SETD1A: variants seen among roughly 807,000 people sequenced by gnomAD.
The protein encoded by SETD1A is histone-lysine N-methyltransferase SETD1A.
SETD1A carries 29 observed loss-of-function variants against 149.9 expected under a neutral mutation model. The observed-to-expected ratio is 0.19, with a 90% confidence interval of 0.14 to 0.26. SETD1A has a LOEUF of 0.26. Among genes scored for constraint, SETD1A ranks in the 10% least tolerant of loss-of-function variants. The pLI is 1.00. For missense variants in SETD1A, 2,109 were observed against 2,353.1 expected (o/e 0.90, Z 2.15); for synonymous variants, 1,141 against 968.5 (o/e 1.18, Z -3.31).
chr16:30,968,912 C>T (rs572833416), intron 10 of SETD1A, among the ~76,000 whole-genome samples: 1 of 152,232 alleles, frequency 6.6e-6, no homozygotes, highest in East Asian at 1.9e-4. Context: ...CAATACCAGC[C>T]TGAGCAACAT....
At chr16:30,960,667 G>A (rs559692462) in intron 3 of SETD1A, among the ~76,000 whole-genome samples, 5 of 151,440 alleles carry the variant, frequency 3.3e-5, no homozygotes, top group East Asian at 3.9e-4. Context: ...GGAAATCATC[G>A]CCCTGTAGCT....
intron 10 of SETD1A, 78 bp downstream of exon 10, chr16:30,967,666 G>T (rs2056167007): frequency 2.3e-6 from 3 of 1,285,192 alleles, no homozygotes; most frequent in Non-Finnish European, 3.4e-6. Flanking sequence ...GGATGAAGGG[G>T]TCAGGTCGTC....
chr16:30,968,493 C>G (rs1050794034), intron 10 of SETD1A, among the ~76,000 whole-genome samples: 2 of 151,162 alleles, frequency 1.3e-5, no homozygotes, highest in African/African-American at 4.9e-5. Flanking sequence ...TATATATACA[C>G]ACACATATGC....
chr16:30,971,184 T>A (rs1284056547), intron 12 of SETD1A, among the ~76,000 whole-genome samples, 194 bp from the exon 13 acceptor site: 1 of 152,186 alleles, frequency 6.6e-6, no homozygotes, highest in African/African-American at 2.4e-5. Context: ...GTCTGGGGCT[T>A]CCTTTGCCAT....
In SETD1A at chr16:30,984,046, C is replaced by T. The variant is rs765321004; in HGVS notation, c.*23C>T. ...TGAGGTGGGGCAGGATGGGTGCCCACACCCCTATTTATTCCCCCTGGTGCC... is the reference window on the plus strand; with the variant it reads ...TGAGGTGGGGCAGGATGGGTGCCCATACCCCTATTTATTCCCCCTGGTGCC... On this transcript the variant is annotated 3_prime_UTR_variant, in exon 19 of 19. Coordinates refer to ENST00000262519, the MANE Select transcript of SETD1A (RefSeq NM_014712.3). The T allele has an allele frequency of 3.1e-6, 5 of 1,599,936 alleles. No homozygotes were observed. Among genetic ancestry groups the T allele is most frequent in the South Asian group, 1.1e-5 (1 of 89,112 alleles).
In SETD1A at chr16:30,981,193, TC is replaced by T; in HGVS notation, c.4812+16del. The stretch of plus-strand genomic sequence containing the variant: ...GAACATCCGTCAGGTGAGGCTGCAC[TC>T]CCAGCCCCGCCCCGGCTTCTGATGC... On this transcript the variant is annotated intron_variant, in intron 17 of 18. Coordinates refer to ENST00000262519, the MANE Select transcript of SETD1A (RefSeq NM_014712.3). 1 of 1,613,462 alleles carries T rather than the reference TC, an allele frequency of 6.2e-7. No homozygotes were observed. The highest frequency in any genetic ancestry group is 8.5e-7 in the Non-Finnish European group (1 of 1,179,560).
At chr16:30,982,694 C>T (rs2056396541) in intron 17 of SETD1A, among the ~76,000 whole-genome samples, 1 of 151,012 alleles carries the variant, frequency 6.6e-6, no homozygotes, top group South Asian at 2.1e-4. Context: ...CAGGAGAGGG[C>T]CCCATGGCTA....
intron 3 of SETD1A, 63 bp downstream of exon 3, chr16:30,959,249 A>G: frequency 9.6e-7 from 1 of 1,043,004 alleles, no homozygotes; most frequent in Non-Finnish European, 1.5e-6. Context: ...GCGTCTTGGC[A>G]CTATAGCTGA....
rs916947705 is a variant in SETD1A, at chr16:30,984,545, G to C, written c.*522G>C. ...CCCTTCCACCCTGGTGTCACTCCCCGGCTCAGCCAGGCCAGGATGGCGGGG... is the reference window on the plus strand; with the variant it reads ...CCCTTCCACCCTGGTGTCACTCCCCCGCTCAGCCAGGCCAGGATGGCGGGG... On this transcript the variant is annotated 3_prime_UTR_variant, in exon 19 of 19. Coordinates refer to ENST00000262519, the MANE Select transcript of SETD1A (RefSeq NM_014712.3). The C allele has an allele frequency of 6.3e-6, 1 of 159,426 alleles. No homozygotes were observed. Among genetic ancestry groups the C allele is most frequent in the East Asian group, 1.9e-4 (1 of 5,304 alleles). The allele number at this position is 159,426 out of a possible 1,614,324, so 9.9% of individuals were successfully genotyped here.
In SETD1A at chr16:30,965,106, A is replaced by T. The variant is rs776074516; in HGVS notation, c.1364A>T (p.Glu455Val). 3 of 1,611,202 alleles carry T rather than the reference A, an allele frequency of 1.9e-6. No homozygotes were observed. Among genetic ancestry groups the T allele is most frequent in the Non-Finnish European group, 8.5e-7 (1 of 1,179,442 alleles). The change falls in exon 7 of 19, where the codon GAA (glutamate) becomes GTA (valine). Residue 455 changes from glutamate (E) to valine (V), a missense_variant. This residue lies in a region of SETD1A where 410 missense variants were observed against 394.8 expected (regional missense o/e 1.04). Coordinates refer to ENST00000262519, the MANE Select transcript of SETD1A (RefSeq NM_014712.3). ...GGAGGGCCCAGCCCTGAGAGAGAAG[A>T]AGTTCGGACTTCCCCCCGCCCAGCC... Reference protein sequence around the residue: ...GGGGPSPEREEVRTSPRPASP... With the variant: ...GGGGPSPEREVVRTSPRPASP...
intron 4 of SETD1A, among the ~76,000 whole-genome samples, 182 bp from the exon 5 acceptor site, chr16:30,963,251 A>T (rs916190701): frequency 6.6e-6 from 1 of 152,202 alleles, no homozygotes; most frequent in Admixed American, 6.5e-5. Context: ...TGTTTGTGGT[A>T]GTTTAGAGGT....
intron 10 of SETD1A, 104 bp from the exon 11 acceptor site, chr16:30,969,201 A>T: frequency 8.7e-7 from 1 of 1,146,200 alleles, no homozygotes; most frequent in Non-Finnish European, 1.2e-6. Context: ...TGTGAAATGA[A>T]GACCATCAGG....
At chr16:30,958,164 T>G (rs1379723930) in intron 1 of SETD1A, 200 bp downstream of exon 1, 2 of 143,592 alleles carry the variant, frequency 1.4e-5, no homozygotes, top group African/African-American at 2.6e-5. Flanking sequence ...GGAGACCTGC[T>G]GGGGGGGGTG....
chr16:30,978,841 G>A (rs141193281), intron 13 of SETD1A, among the ~76,000 whole-genome samples: 1 of 152,212 alleles, frequency 6.6e-6, no homozygotes, highest in African/African-American at 2.4e-5. Context: ...TTCTCAGCGT[G>A]GTTACAGCTT....
chr16:30,974,804 C>G (rs1010311059), intron 13 of SETD1A, among the ~76,000 whole-genome samples: 1 of 151,870 alleles, frequency 6.6e-6, no homozygotes, highest in Non-Finnish European at 1.5e-5. Context: ...GTCAGGAGTT[C>G]GAGACCAGTC....
At position 30,980,737 on chromosome 16, in the gene SETD1A, A is replaced by G; in HGVS notation, c.4582-2A>G. 9.3e-6 allele frequency: 15 copies of G among 1,612,450 alleles called. No individual in the cohort carries two copies. The highest frequency in any genetic ancestry group is 2.2e-5 in the East Asian group (1 of 44,874). On this transcript the variant is annotated splice_acceptor_variant, in intron 15 of 18. Coordinates refer to ENST00000262519, the MANE Select transcript of SETD1A (RefSeq NM_014712.3). LOFTEE classifies it high-confidence loss of function. This position sits in a 1 kb window ranked among gnomAD's most constrained non-coding sequence, Gnocchi z 7.7. ...ACCTCCTCCCTGCCGTGTGTCTCAC[A>G]GGGGACGAACCGCGTGCTGTCCGAG...
Position 30,971,590 on chromosome 16 carries a change from G to A in SETD1A, c.3229G>A (p.Ala1077Thr). ...EEERPAALPS[A>T]SPPPREVPVP... ...GGAGCGGCCAGCAGCCCTTCCCTCA[G>A]CCTCCCCGCCCCCCAGAGAAGTCCC... Residue 1077 changes from alanine (A) to threonine (T), a missense_variant, in exon 13 of 19, where the codon GCC becomes ACC. Ala to Thr is a moderately conservative substitution (Grantham distance 58, BLOSUM62 0). Transcript: ENST00000262519. 6.2e-7 allele frequency: 1 copy of A among 1,613,808 alleles called. No homozygotes were observed.
At chr16:30,977,771 G>C (rs574551275) in intron 13 of SETD1A, among the ~76,000 whole-genome samples, 1 of 152,228 alleles carries the variant, frequency 6.6e-6, no homozygotes, top group Non-Finnish European at 1.5e-5. Flanking sequence ...AGGGTTGGGA[G>C]TGCGGTGGAC....
At chr16:30,966,553 A>G (rs2056150281) in intron 8 of SETD1A, among the ~76,000 whole-genome samples, 167 bp downstream of exon 8, 1 of 152,112 alleles carries the variant, frequency 6.6e-6, no homozygotes, top group Non-Finnish European at 1.5e-5. Flanking sequence ...GAGGGGACAG[A>G]GAAGCAGGCA....
Sources: gnomAD v4.1 joint callset for allele counts (sites outside exome capture counted in the v4.1 genomes callset) on GRCh38, gnomAD v4.1.1 for gene constraint, gnomAD v4.1.1 regional missense constraint, Gnocchi (gnomAD v3.1) non-coding constraint, MANE v1.5 for transcripts, NCBI Gene and HGNC (gene_info 2026-07-23, HGNC 2026-07-21) for gene names.